OR10G3: variants seen among roughly 807,000 people sequenced by gnomAD.
OR10G3 encodes olfactory receptor family 10 subfamily G member 3.
In OR10G3, 8 loss-of-function variants were observed where a neutral mutation model predicts 13.4. The observed-to-expected ratio is 0.60, with a 90% CI of 0.35 to 1.08. The LOEUF (loss-of-function observed/expected upper bound fraction) is 1.08, where lower values mean the gene tolerates loss of function less well. OR10G3 is among the 50% of genes least tolerant of loss of function. OR10G3 has a pLI of 0.02. For synonymous variants in OR10G3, 142 were observed against 156.1 expected (o/e 0.91, Z 0.67); for missense variants, 393 against 386.6 (o/e 1.02, Z -0.14).
In OR10G3 at chr14:21,569,528, A is replaced by G; in HGVS notation, c.*275T>C. The G allele has an allele frequency of 3.1e-6, 1 of 325,760 alleles. No individual in the cohort carries two copies. The highest frequency in any genetic ancestry group is 5.6e-6 in the Non-Finnish European group (1 of 178,412). 20.2% of individuals were successfully genotyped at this position (325,760 alleles called of 1,614,324 possible). ...GGAGAATTTATTACTGAGACATTGG[A>G]AAATACACTATTGCATTCTTTCTTC... is the stretch of plus-strand genomic sequence containing the variant. On this transcript the variant is annotated 3_prime_UTR_variant, in exon 2 of 2. Coordinates refer to ENST00000641040, the MANE Select transcript of OR10G3 (RefSeq NM_001005465.2).
Position 21,569,930 on chromosome 14 carries a change from G to A in OR10G3, c.815C>T (p.Ala272Val). 6.2e-7 allele frequency: 1 copy of A among 1,613,186 alleles called. No homozygotes were observed. Among genetic ancestry groups the A allele is most frequent in the Non-Finnish European group, 8.5e-7 (1 of 1,179,476 alleles). The change falls in exon 2 of 2, where the codon GCA becomes GTA. Residue 272 changes from alanine to valine, a missense_variant. Coordinates refer to ENST00000641040, the MANE Select transcript of OR10G3 (RefSeq NM_001005465.2). The part of the protein sequence containing the change: ...RPETNSPLDG[A>V]AALVPTAITP... The stretch of plus-strand genomic sequence containing the variant: ...GATGGCCGTGGGGACTAGGGCAGCT[G>A]CCCCATCCAGGGGGCTGTTGGTTTC...
At chr14:21,579,234 T>A (rs1298297441) in intron 1 of OR10G3, among the ~76,000 whole-genome samples, 3 of 138,598 alleles carry the variant, frequency 2.2e-5, no homozygotes, top group African/African-American at 5.1e-5. Context: ...TTTAATTTTT[T>A]AATTTTTTTA....
intron 1 of OR10G3, among the ~76,000 whole-genome samples, chr14:21,578,590 C>A (rs1266362751): frequency 6.6e-6 from 1 of 152,120 alleles, no homozygotes; most frequent in Non-Finnish European, 1.5e-5. Context: ...GGCTTAACCT[C>A]ATTTCAGCAA....
rs764237991 is a variant in OR10G3, at chr14:21,570,691, C to T, written c.54G>A (p.Pro18=). 9.3e-6 allele frequency: 15 copies of T among 1,604,718 alleles called. No individual in the cohort carries two copies. The highest frequency in any genetic ancestry group is 7.7e-5 in the South Asian group (7 of 90,904). Residue 18 remains proline (P), a synonymous_variant, in exon 2 of 2, where the codon CCG becomes CCA. Coordinates refer to ENST00000641040, the MANE Select transcript of OR10G3 (RefSeq NM_001005465.2). ...LLTAFILTGI[P]YPLRLRTLFF... ...AGAGTGTCCTTAGCCTGAGTGGATA[C>T]GGAATTCCTGTCAGGATAAACGCAG...
rs75024988 is a variant in OR10G3 at position 21,579,093 on chromosome 14, G to A, written c.-18+693C>T. Among the ~76,000 whole-genome samples the A allele has an allele frequency of 4.6e-5, 7 of 152,178 alleles. No homozygotes were observed. In the East Asian group the frequency reaches 7.7e-4, roughly 17 times the overall value. ...CAAGGGTGGCACCACCACAGAACTC[G>A]AAGATGCTCTTCCTAGTCTGGTTGG... On this transcript the variant is annotated intron_variant, in intron 1 of 1. Coordinates refer to ENST00000641040, the MANE Select transcript of OR10G3 (RefSeq NM_001005465.2).
In OR10G3 at chr14:21,569,533, A is replaced by C; in HGVS notation, c.*270T>G. The C allele has an allele frequency of 2.9e-6, 1 of 341,240 alleles. No individual in the cohort carries two copies. The highest frequency in any genetic ancestry group is 5.3e-6 in the Non-Finnish European group (1 of 188,260). 21.1% of individuals were successfully genotyped at this position (341,240 alleles called of 1,614,324 possible). A position where few individuals can be genotyped will look rare whatever the true frequency, so the allele number is the denominator to read the frequency against. On this transcript the variant is annotated 3_prime_UTR_variant, in exon 2 of 2. Transcript: ENST00000641040. Reference sequence around the variant, plus strand: ...ATTTATTACTGAGACATTGGAAAATACACTATTGCATTCTTTCTTCTGGAT... The same window carrying C: ...ATTTATTACTGAGACATTGGAAAATCCACTATTGCATTCTTTCTTCTGGAT...
At chr14:21,570,919 TG>T (rs1893062207) in intron 1 of OR10G3, among the ~76,000 whole-genome samples, 158 bp from the exon 2 acceptor site, 1 of 152,252 alleles carries the variant, frequency 6.6e-6, no homozygotes, top group Non-Finnish European at 1.5e-5. Flanking sequence ...GCAGGTGTTT[TG>T]TAAACAAGAT....
At chr14:21,578,153 G>A (rs1373461634) in intron 1 of OR10G3, among the ~76,000 whole-genome samples, 9 of 152,114 alleles carry the variant, frequency 5.9e-5, no homozygotes, top group African/African-American at 2.2e-4. Flanking sequence ...GCTCATGCCC[G>A]TAATCCTAAC....
At chr14:21,576,456 A>C (rs573083832) in intron 1 of OR10G3, among the ~76,000 whole-genome samples, 6 of 152,334 alleles carry the variant, frequency 3.9e-5, no homozygotes, top group Admixed American at 6.5e-5. Flanking sequence ...GGTAAATCAC[A>C]CAGCATCTGT....
At chr14:21,573,503 T>C (rs1434351665) in intron 1 of OR10G3, among the ~76,000 whole-genome samples, 2 of 130,040 alleles carry the variant, frequency 1.5e-5, no homozygotes, top group African/African-American at 5.5e-5. Context: ...TGAAACCCTG[T>C]CCTTGCTAAA....
chr14:21,570,954 A>G (rs1201296026), intron 1 of OR10G3, among the ~76,000 whole-genome samples, 193 bp from the exon 2 acceptor site: 1 of 152,222 alleles, frequency 6.6e-6, no homozygotes. Flanking sequence ...AGCCTTGCTC[A>G]TTTACTTACA....
rs998668762 is a variant in OR10G3, at chr14:21,568,565, G to A, written c.*1238C>T. 6.6e-6 allele frequency: 1 copy of A among 152,166 alleles called. No homozygotes were observed. The highest frequency in any genetic ancestry group is 6.5e-5 in the Admixed American group (1 of 15,268). 9.4% of individuals were successfully genotyped at this position (152,166 alleles called of 1,614,324 possible). ...TTCAATAGTTTTTGGAGTACAGGTG[G>A]TTTTTGGTTACATGGATAAGTTCTT... On this transcript the variant is annotated 3_prime_UTR_variant, in exon 2 of 2. Transcript: ENST00000641040.
chr14:21,579,018 G>T (rs1205978637), intron 1 of OR10G3, among the ~76,000 whole-genome samples: 2 of 152,184 alleles, frequency 1.3e-5, no homozygotes, highest in Non-Finnish European at 2.9e-5. Context: ...TTTGGGCAGA[G>T]AACTTGTCTT....
intron 1 of OR10G3, among the ~76,000 whole-genome samples, chr14:21,575,360 C>T (rs1893116360): frequency 2.0e-5 from 3 of 146,856 alleles, no homozygotes; most frequent in Non-Finnish European, 4.5e-5. Flanking sequence ...GGATTACAGG[C>T]GTGAGCCACT....
chr14:21,577,129 C>T (rs1344214753), intron 1 of OR10G3, among the ~76,000 whole-genome samples: 1 of 152,082 alleles, frequency 6.6e-6, no homozygotes, highest in Non-Finnish European at 1.5e-5. Flanking sequence ...CTCTCTGGCT[C>T]ATTAATATCC....
chr14:21,569,619 G>A lies in OR10G3; in HGVS notation c.*184C>T. The A allele has an allele frequency of 1.7e-6, 1 of 583,810 alleles. No homozygotes were observed. Among genetic ancestry groups the A allele is most frequent in the East Asian group, 3.0e-5 (1 of 33,840 alleles). The allele number at this position is 583,810 out of a possible 1,614,324, so 36.2% of individuals were successfully genotyped here. A position where few individuals can be genotyped will look rare whatever the true frequency, so the allele number is the denominator to read the frequency against. ...CATTCTCTACTCTTGCAGTGGCTGA[G>A]AGTTATCTTGAGAGGATACTAAGGA... On this transcript the variant is annotated 3_prime_UTR_variant, in exon 2 of 2. Transcript: ENST00000641040.
Position 21,570,433 on chromosome 14 carries a change from GA to G in OR10G3, c.311del (p.Phe104SerfsTer15). 1 of 1,613,444 alleles carries G rather than the reference GA, an allele frequency of 6.2e-7. No individual in the cohort carries two copies. On this transcript the variant is annotated frameshift_variant, in exon 2 of 2. Coordinates refer to ENST00000641040, the MANE Select transcript of OR10G3 (RefSeq NM_001005465.2). LOFTEE classifies it high-confidence loss of function. Reference sequence around the variant, plus strand: ...ACTGGGTGCTGCCCAGGAAGTGATAGAAATAGAGTTGAGCAACACAGCCACC... The same window carrying G: ...ACTGGGTGCTGCCCAGGAAGTGATAGAATAGAGTTGAGCAACACAGCCACC... ...PFGGCVAQLY[F>X]YHFLGSTQCF...
At position 21,570,363 on chromosome 14, in the gene OR10G3, A is replaced by T. The variant is rs935999104; in HGVS notation, c.382T>A (p.Cys128Ser). The stretch of plus-strand genomic sequence containing the variant: ...AGCACAGGGTAGCGCAGGGGCTGAC[A>T]TATTGCCAGGTACCTGTCATAGGCC... ...LMAYDRYLAI[C>S]QPLRYPVLMT... is the part of the protein sequence containing the mutation. Residue 128 changes from cysteine (C) to serine (S), a missense_variant, in exon 2 of 2, where the codon TGT (cysteine) becomes AGT (serine). Coordinates refer to ENST00000641040, the MANE Select transcript of OR10G3 (RefSeq NM_001005465.2). 6.2e-7 allele frequency: 1 copy of T among 1,614,220 alleles called. No individual in the cohort carries two copies.
chr14:21,572,830 C>G (rs1216210784), intron 1 of OR10G3, among the ~76,000 whole-genome samples: 1 of 152,040 alleles, frequency 6.6e-6, no homozygotes, highest in Non-Finnish European at 1.5e-5. Flanking sequence ...ATAACTATAA[C>G]TTTATAATAT....
Sources: gnomAD v4.1 joint callset for allele counts (sites outside exome capture counted in the v4.1 genomes callset) on GRCh38, gnomAD v4.1.1 for gene constraint, MANE v1.5 for transcripts, NCBI Gene and HGNC (gene_info 2026-07-23, HGNC 2026-07-21) for gene names.